Variants in ARHGEF38 observed in about 807,000 individuals in gnomAD.
ARHGEF38 encodes Rho guanine nucleotide exchange factor (GEF) 38.
ARHGEF38 carries 79 observed loss-of-function variants against 79.9 expected under a neutral mutation model. The ratio of observed to expected loss-of-function variants is 0.99; its 90% CI spans 0.82 to 1.19. The LOEUF (loss-of-function observed/expected upper bound fraction) is 1.19, where lower values mean the gene tolerates loss of function less well. ARHGEF38 is among the 50% of genes most tolerant of loss of function. The pLI, the probability that ARHGEF38 is intolerant of heterozygous loss-of-function variation, is 0.00. For synonymous variants in ARHGEF38, 366 were observed against 328.3 expected (o/e 1.11, Z -1.24); for missense variants, 962 against 907.2 (o/e 1.06, Z -0.78).
chr4:105,586,348 G>A (rs931229012), intron 1 of ARHGEF38, among the ~76,000 whole-genome samples: 1 of 151,928 alleles, frequency 6.6e-6, no homozygotes, highest in Non-Finnish European at 1.5e-5. Flanking sequence ...TCATAAGGTT[G>A]CTCAACTGTA....
At chr4:105,626,130 A>G (rs1027064541) in intron 3 of ARHGEF38, among the ~76,000 whole-genome samples, 7 of 152,158 alleles carry the variant, frequency 4.6e-5, no homozygotes, top group African/African-American at 1.7e-4. Flanking sequence ...CAATTTCCTA[A>G]AGGGCTTCAC....
chr4:105,573,492 C>T (rs1340569066), intron 1 of ARHGEF38, among the ~76,000 whole-genome samples: 1 of 152,084 alleles, frequency 6.6e-6, no homozygotes, highest in African/African-American at 2.4e-5. Context: ...ATTGTCTTTT[C>T]CCCATAAAAT....
chr4:105,597,560 C>A (rs1447383246), intron 2 of ARHGEF38, among the ~76,000 whole-genome samples: 2 of 152,204 alleles, frequency 1.3e-5, no homozygotes, highest in Non-Finnish European at 2.9e-5. Context: ...TTCATCTTGG[C>A]TCACTGACCA....
At chr4:105,612,936 AC>A (rs1316903154) in intron 2 of ARHGEF38, among the ~76,000 whole-genome samples, 1 of 152,122 alleles carries the variant, frequency 6.6e-6, no homozygotes, top group Non-Finnish European at 1.5e-5. Context: ...GGAAAAAGCA[AC>A]CCAGCACATC....
rs1383523156 is a variant in ARHGEF38 at position 105,679,112 on chromosome 4, A to C, written c.*1175A>C. The C allele has an allele frequency of 1.7e-6, 1 of 605,902 alleles. No individual in the cohort carries two copies. The allele number at this position is 605,902 out of a possible 1,614,324, so 37.5% of individuals were successfully genotyped here. A position where few individuals can be genotyped will look rare whatever the true frequency, so the allele number is the denominator to read the frequency against. On this transcript the variant is annotated 3_prime_UTR_variant, in exon 14 of 14. Coordinates refer to ENST00000420470, the MANE Select transcript of ARHGEF38 (RefSeq NM_001242729.2). ...CTATTTCTGTTCCACTTCGTCTTCT[A>C]CCATCTTGCCGACTTTCCTGAGCAA...
intron 2 of ARHGEF38, among the ~76,000 whole-genome samples, chr4:105,598,323 C>T (rs888347500): frequency 6.6e-6 from 1 of 152,126 alleles, no homozygotes; most frequent in Non-Finnish European, 1.5e-5. Context: ...TACAGATATC[C>T]AAACCAGGCT....
intron 1 of ARHGEF38, among the ~76,000 whole-genome samples, chr4:105,573,342 T>A (rs1173042076): frequency 6.6e-6 from 1 of 152,210 alleles, no homozygotes. Flanking sequence ...ATTTTTGCCC[T>A]ATGTTTTCCT....
At position 105,655,045 on chromosome 4, in the gene ARHGEF38, C is replaced by T. The variant is rs537980440; in HGVS notation, c.1114-558C>T. Among the ~76,000 whole-genome samples, 19 of 152,230 alleles carry T rather than the reference C, an allele frequency of 1.2e-4. No homozygotes were observed. In the South Asian group the frequency reaches 2.7e-3, roughly 22 times the overall value. ...CTGATACAAAGCCTACTTTACAATC[C>T]GGTTTGCTATTTTCTTCCTAAAATG... On this transcript the variant is annotated intron_variant, in intron 8 of 13. Coordinates refer to ENST00000420470, the MANE Select transcript of ARHGEF38 (RefSeq NM_001242729.2).
At chr4:105,615,787 C>T (rs750984167) in intron 3 of ARHGEF38, among the ~76,000 whole-genome samples, 1 of 152,160 alleles carries the variant, frequency 6.6e-6, no homozygotes, top group African/African-American at 2.4e-5. Flanking sequence ...GTCCATCTCT[C>T]GTATGCCAAC....
chr4:105,590,071 G>GAAAGAA (rs1727255018), intron 2 of ARHGEF38, among the ~76,000 whole-genome samples: 1 of 111,756 alleles, frequency 8.9e-6, no homozygotes, highest in Admixed American at 9.7e-5. Context: ...GAAAAAGAAA[G>GAAAGAA]AAAGAAGGAA....
At chr4:105,676,283 A>G (rs1457844425) in intron 13 of ARHGEF38, among the ~76,000 whole-genome samples, 2 of 152,204 alleles carry the variant, frequency 1.3e-5, no homozygotes, top group Non-Finnish European at 2.9e-5. Flanking sequence ...ACCTTCAAAT[A>G]TGACATATTC....
At chr4:105,644,123 C>T (rs920398908) in intron 5 of ARHGEF38, among the ~76,000 whole-genome samples, 6 of 152,058 alleles carry the variant, frequency 3.9e-5, no homozygotes, top group African/African-American at 1.4e-4. Context: ...CTGCCTTGGC[C>T]TCCCAAAGTG....
chr4:105,604,905 T>C (rs2110480526), intron 2 of ARHGEF38, among the ~76,000 whole-genome samples: 1 of 152,288 alleles, frequency 6.6e-6, no homozygotes, highest in South Asian at 2.1e-4. Flanking sequence ...ATAATCTCAC[T>C]GATTGTTCCA....
chr4:105,653,324 C>CTTT (rs778409804), intron 7 of ARHGEF38, among the ~76,000 whole-genome samples: 15 of 136,544 alleles, frequency 1.1e-4, no homozygotes, highest in African/African-American at 3.5e-4. Flanking sequence ...TTTCACATTT[C>CTTT]TTTTTTTTTT....
At chr4:105,613,704 T>C (rs1364088937) in intron 3 of ARHGEF38, among the ~76,000 whole-genome samples, 197 bp downstream of exon 3, 1 of 152,124 alleles carries the variant, frequency 6.6e-6, no homozygotes, top group Non-Finnish European at 1.5e-5. Context: ...TTTGCTGAAG[T>C]CCCTCAGTAG....
At position 105,612,189 on chromosome 4, in the gene ARHGEF38, ACC is replaced by A. The variant is rs144813083; in HGVS notation, c.385-1192_385-1191del. 8.4e-3 allele frequency among the ~76,000 whole-genome samples: 1,277 copies of A among 152,198 alleles called. 13 individuals carry two copies. Among genetic ancestry groups the A allele is most frequent in the African/African-American group, 0.022 (913 of 41,546 alleles). On this transcript the variant is annotated intron_variant, in intron 2 of 13. Coordinates refer to ENST00000420470, the MANE Select transcript of ARHGEF38 (RefSeq NM_001242729.2). ...GCTTTCTTCCTTACCCCTTGAATAG[ACC>A]CCACACACACCTGAAGAAACTGAGT...
At position 105,667,628 on chromosome 4, in the gene ARHGEF38, ATC is replaced by A. The variant is rs752654197; in HGVS notation, c.2077_2078del (p.Leu693Ter). Reference protein sequence around the residue: ...SESSIGDSSSSLSGTCGKFET... With the variant: ...SESSIGDSSSXLSGTCGKFET... ...AAAGCAGCATTGGTGATAGCAGCTCATCTCTTAGTGGCACATGTGGAAAGTTT... is the reference window on the plus strand; with the variant it reads ...AAAGCAGCATTGGTGATAGCAGCTCATCTTAGTGGCACATGTGGAAAGTTT... On this transcript the variant is annotated frameshift_variant, in exon 13 of 14. Coordinates refer to ENST00000420470, the MANE Select transcript of ARHGEF38 (RefSeq NM_001242729.2). LOFTEE classifies it high-confidence loss of function. The A allele has an allele frequency of 1.3e-4, 196 of 1,536,368 alleles. 1 individual carries two copies. Among genetic ancestry groups the A allele is most frequent in the Non-Finnish European group, 3.5e-6 (4 of 1,146,772 alleles).
chr4:105,676,271 G>T (rs183821571), intron 13 of ARHGEF38, among the ~76,000 whole-genome samples: 1 of 152,026 alleles, frequency 6.6e-6, no homozygotes, highest in Admixed American at 6.6e-5. Flanking sequence ...ATTCATCTCC[G>T]TACCTTCAAA....
At chr4:105,669,612 T>C (rs1326080621) in intron 13 of ARHGEF38, among the ~76,000 whole-genome samples, 1 of 152,132 alleles carries the variant, frequency 6.6e-6, no homozygotes, top group Non-Finnish European at 1.5e-5. Context: ...AAGCAGCTTA[T>C]CAATATCTTA....
Sources: allele counts gnomAD v4.1 joint callset (sites outside exome capture counted in the v4.1 genomes callset), GRCh38; gene constraint gnomAD v4.1.1; transcripts MANE v1.5; gene names NCBI Gene and HGNC (gene_info 2026-07-23, HGNC 2026-07-21).